The following ACVR1 variants were observed in gnomAD, a reference collection of about 807,000 sequenced individuals.
ACVR1 encodes the protein activin receptor type-1.
In ACVR1, 38 loss-of-function variants were observed where a neutral mutation model predicts 57.1. The observed-to-expected ratio is 0.67, with a 90% CI of 0.51 to 0.87. The LOEUF (loss-of-function observed/expected upper bound fraction) is 0.87, where lower values mean the gene tolerates loss of function less well. Ranked by LOEUF, ACVR1 falls within the 40% of genes least tolerant of loss-of-function variation. ACVR1 has a pLI of 0.00. For synonymous variants in ACVR1, 212 were observed against 228.1 expected, an observed-to-expected ratio of 0.93 and a Z score of 0.63; for missense variants, 463 against 638.2, an observed-to-expected ratio of 0.73 and a Z score of 2.96.
chr2:157,806,873 G>A (rs2105315318), intron 2 of ACVR1: 1 of 152,308 alleles, frequency 6.6e-6, no homozygotes, highest in South Asian at 2.1e-4. Flanking sequence ...CTGCTGGAGG[G>A]TTTCTGGCGG....
rs1685600300 is a variant in ACVR1, at chr2:157,760,429, G to A, written c.1264+451C>T. Among the ~76,000 whole-genome samples, 4 of 152,224 alleles carry A rather than the reference G, an allele frequency of 2.6e-5. No individual in the cohort carries two copies. The South Asian group carries it at 8.3e-4, about 32-fold the overall frequency. ...ACTATAGTTGACAATAATATACTAT[G>A]TATTTCAAAATAGCTAGAAGAGACT... is the stretch of plus-strand genomic sequence containing the variant. On this transcript the variant is annotated intron_variant, in intron 9 of 10. Coordinates refer to ENST00000434821, the MANE Select transcript of ACVR1 (RefSeq NM_001111067.4).
At chr2:157,826,983 A>G (rs1466314421) in intron 1 of ACVR1, among the ~76,000 whole-genome samples, 2 of 151,946 alleles carry the variant, frequency 1.3e-5, no homozygotes, top group Non-Finnish European at 2.9e-5. Context: ...AACAAAAAGC[A>G]TTAATAATTT....
At chr2:157,846,816 G>C (rs1023912663) in intron 1 of ACVR1, among the ~76,000 whole-genome samples, 3 of 152,104 alleles carry the variant, frequency 2.0e-5, no homozygotes. Context: ...AAAGAAAAAA[G>C]AAAAGAATAA....
intron 1 of ACVR1, among the ~76,000 whole-genome samples, chr2:157,820,988 G>A (rs1419454224): frequency 6.6e-6 from 1 of 152,022 alleles, no homozygotes. Flanking sequence ...AATAAACCAT[G>A]GACTGAAATC....
intron 8 of ACVR1, among the ~76,000 whole-genome samples, chr2:157,763,536 T>C (rs918719385): frequency 4.6e-5 from 7 of 152,100 alleles, no homozygotes; most frequent in Non-Finnish European, 7.4e-5. Context: ...CTGAGCAACA[T>C]AGTGAGACCT....
chr2:157,816,226 A>T (rs1687927988), intron 2 of ACVR1, among the ~76,000 whole-genome samples: 1 of 152,202 alleles, frequency 6.6e-6, no homozygotes, highest in Non-Finnish European at 1.5e-5. Flanking sequence ...TTTTAGCCAA[A>T]GGTGAAAGAG....
intron 1 of ACVR1, among the ~76,000 whole-genome samples, chr2:157,845,235 G>GT (rs1328688422): frequency 6.6e-6 from 1 of 152,200 alleles, no homozygotes; most frequent in African/African-American, 2.4e-5. Flanking sequence ...ATTTGTCTGC[G>GT]TTCTAACCTT....
chr2:157,774,091 C>T lies in ACVR1; in HGVS notation c.640G>A (p.Val214Ile). Residue 214 changes from valine to isoleucine, a missense_variant, in exon 6 of 11, where the codon GTC (valine) becomes ATC (isoleucine). Coordinates refer to ENST00000434821, the MANE Select transcript of ACVR1 (RefSeq NM_001111067.4). ...AGAAAGGAAAAAAAAGAATTACCGACACACTCCAACAGTGTAATCTGGCGA... is the reference window on the plus strand; with the variant it reads ...AGAAAGGAAAAAAAAGAATTACCGATACACTCCAACAGTGTAATCTGGCGA... The part of the protein sequence containing the change: ...VARQITLLEC[V>I]GKGRYGEVWR... The T allele has an allele frequency of 1.2e-6, 2 of 1,613,480 alleles. No homozygotes were observed. The highest frequency in any genetic ancestry group is 8.5e-7 in the Non-Finnish European group (1 of 1,179,466).
chr2:157,780,712 A>G (rs982227400), intron 3 of ACVR1, 112 bp from the exon 4 acceptor site: 17 of 1,326,242 alleles, frequency 1.3e-5, no homozygotes, highest in Non-Finnish European at 1.7e-5. Flanking sequence ...CAGAAAGTCA[A>G]GCTAAGCATC....
chr2:157,840,755 C>T (rs531535542), intron 1 of ACVR1, among the ~76,000 whole-genome samples: 127 of 152,368 alleles, frequency 8.3e-4, no homozygotes, highest in Non-Finnish European at 1.6e-3. Flanking sequence ...ACCTGCTCTC[C>T]GGCTGGGTTC....
rs912465576 is a variant in ACVR1, at chr2:157,765,819, T to C, written c.1066+102A>G. 1.0e-5 allele frequency: 13 copies of C among 1,242,798 alleles called. No individual in the cohort carries two copies. In the African/African-American group the frequency reaches 1.5e-4, roughly 14 times the overall value. The allele number at this position is 1,242,798 out of a possible 1,614,324, so 77.0% of individuals were successfully genotyped here. ...TGTAAATGTTCAACTTTTCTGCATG[T>C]TTGAAATTTTGCATAACATGTTGTG... On this transcript the variant is annotated intron_variant, in intron 8 of 10. Transcript: ENST00000434821.
chr2:157,775,403 G>C (rs1009695312), intron 5 of ACVR1, among the ~76,000 whole-genome samples: 2 of 152,196 alleles, frequency 1.3e-5, no homozygotes, highest in Admixed American at 6.5e-5. Flanking sequence ...GCCGATGGGT[G>C]ATAAAGGTAG....
At position 157,778,357 on chromosome 2, in the gene ACVR1, A is replaced by G. The variant is rs2105278151; in HGVS notation, c.332-15T>C. ...GAAGGATTTTCCTGGAGTTGGAGGG[A>G]AAAGGGGGAATTAGTTGTAAGGATC... On this transcript the variant is annotated splice_polypyrimidine_tract_variant and intron_variant, in intron 4 of 10. Transcript: ENST00000434821. 6.2e-7 allele frequency: 1 copy of G among 1,602,038 alleles called. No homozygotes were observed. Among genetic ancestry groups the G allele is most frequent in the South Asian group, 1.1e-5 (1 of 90,158 alleles).
At chr2:157,786,498 C>T (rs576521114) in intron 3 of ACVR1, among the ~76,000 whole-genome samples, 1 of 152,140 alleles carries the variant, frequency 6.6e-6, no homozygotes, top group South Asian at 2.1e-4. Context: ...GTCACCAAGC[C>T]GGCATGCCTG....
At chr2:157,844,567 A>T (rs146453964) in intron 1 of ACVR1, among the ~76,000 whole-genome samples, 4 of 152,340 alleles carry the variant, frequency 2.6e-5, no homozygotes, top group Admixed American at 1.3e-4. Context: ...TGATAATCAC[A>T]CCAGGATTTT....
chr2:157,851,682 G>C (rs1051603945), intron 1 of ACVR1, among the ~76,000 whole-genome samples: 1 of 152,042 alleles, frequency 6.6e-6, no homozygotes, highest in Non-Finnish European at 1.5e-5. Context: ...AGGCAGAGTG[G>C]GCTCCTAGTA....
chr2:157,858,580 T>G (rs1241083026), intron 1 of ACVR1, among the ~76,000 whole-genome samples: 1 of 152,166 alleles, frequency 6.6e-6, no homozygotes, highest in Non-Finnish European at 1.5e-5. Flanking sequence ...CAAGAGATTC[T>G]CCTGCCTCGG....
rs1573999875 is a variant in ACVR1, at chr2:157,737,535, C to G, written c.1526G>C (p.Cys509Ser). The G allele has an allele frequency of 6.2e-7, 1 of 1,613,998 alleles. No homozygotes were observed. Among genetic ancestry groups the G allele is most frequent in the Non-Finnish European group, 8.5e-7 (1 of 1,179,962 alleles). ...CTTCTTGACACTATGAAAATGTCAA[C>G]AGTCAGTTTTCAATTTGTCGAGGGA... is the stretch of plus-strand genomic sequence containing the variant. ...DNSLDKLKTD[C>S] The change falls in exon 11 of 11, where the codon TGT becomes TCT. Residue 509 changes from cysteine (C) to serine (S), a missense_variant. Physicochemically the swap from Cys to Ser is moderately radical, Grantham distance 112. Coordinates refer to ENST00000434821, the MANE Select transcript of ACVR1 (RefSeq NM_001111067.4).
intron 1 of ACVR1, among the ~76,000 whole-genome samples, chr2:157,830,854 G>C (rs1024700467): frequency 6.6e-6 from 1 of 152,068 alleles, no homozygotes; most frequent in Non-Finnish European, 1.5e-5. Flanking sequence ...GCTTCCAGAT[G>C]TTGTCAGTCA....
Sources: gnomAD v4.1 joint callset for allele counts (sites outside exome capture counted in the v4.1 genomes callset) on GRCh38, gnomAD v4.1.1 for gene constraint, MANE v1.5 for transcripts, NCBI Gene and HGNC (gene_info 2026-07-23, HGNC 2026-07-21) for gene names.